RHAG: variants seen among roughly 807,000 people sequenced by gnomAD.
RHAG encodes Rh associated glycoprotein, also known as ammonium transporter Rh type A.
RHAG carries 25 observed loss-of-function variants against 42.4 expected under a neutral mutation model. The observed-to-expected ratio is 0.59, with a 90% confidence interval of 0.43 to 0.82. The LOEUF (loss-of-function observed/expected upper bound fraction) is 0.82, where lower values mean the gene tolerates loss of function less well. RHAG is among the 40% of genes least tolerant of loss of function. RHAG has a pLI of 0.00. For missense variants in RHAG, 483 were observed against 504.6 expected, an observed-to-expected ratio of 0.96 and a Z score of 0.41; for synonymous variants, 182 against 177.7, an observed-to-expected ratio of 1.02 and a Z score of -0.19.
intron 7 of RHAG, 45 bp from the exon 8 acceptor site, chr6:49,607,265 A>C: frequency 6.7e-7 from 1 of 1,502,140 alleles, no homozygotes; most frequent in Non-Finnish European, 9.2e-7. Flanking sequence ...CCTGGATCTC[A>C]GCCAAAGAAA....
intron 1 of RHAG, among the ~76,000 whole-genome samples, chr6:49,629,680 C>T (rs1032410499): frequency 5.9e-5 from 9 of 152,300 alleles, no homozygotes; most frequent in African/African-American, 1.2e-4. Context: ...CTGCAGGTCC[C>T]GAGCCCTGCC....
chr6:49,622,939 C>T (rs1762788228), intron 1 of RHAG, among the ~76,000 whole-genome samples: 1 of 151,430 alleles, frequency 6.6e-6, no homozygotes. Flanking sequence ...GGGTTCACGC[C>T]ATTCTCCTGC....
intron 7 of RHAG, among the ~76,000 whole-genome samples, chr6:49,608,149 G>A (rs970367498): frequency 2.0e-5 from 3 of 152,128 alleles, no homozygotes; most frequent in African/African-American, 7.2e-5. Flanking sequence ...TTATTAAAAT[G>A]CAATCTTACT....
At position 49,615,787 on chromosome 6, in the gene RHAG, G is replaced by A. The variant is rs753704682; in HGVS notation, c.493-16C>T. 1.8e-5 allele frequency: 29 copies of A among 1,613,312 alleles called. No homozygotes were observed. In the Admixed American group the frequency reaches 4.8e-4, roughly 27 times the overall value. On this transcript the variant is annotated splice_polypyrimidine_tract_variant and intron_variant, in intron 3 of 9. Transcript: ENST00000371175. ...TGTCAGAGGCCTGAGGGACAAAATA[G>A]CATTCACATAAATAGAGGTGAACCT...
Position 49,605,841 on chromosome 6 carries a change from A to C in RHAG, c.1213-11T>G. ...TCTCGTCTTAGGGACCTTTAAAAAA[A>C]CAAGTTTGAGGGCACTTAATAGTTT... On this transcript the variant is annotated splice_polypyrimidine_tract_variant and intron_variant, in intron 9 of 9. Transcript: ENST00000371175. 1 of 1,611,742 alleles carries C rather than the reference A, an allele frequency of 6.2e-7. No homozygotes were observed. Among genetic ancestry groups the C allele is most frequent in the Non-Finnish European group, 8.5e-7 (1 of 1,177,834 alleles).
chr6:49,613,340 G>A (rs1365087835), intron 5 of RHAG, among the ~76,000 whole-genome samples: 1 of 152,198 alleles, frequency 6.6e-6, no homozygotes, highest in African/African-American at 2.4e-5. Context: ...AAAGCACTGG[G>A]ATTACAGGCA....
intron 3 of RHAG, 139 bp from the exon 4 acceptor site, chr6:49,615,910 A>AG: frequency 1.2e-6 from 1 of 848,588 alleles, no homozygotes; most frequent in Non-Finnish European, 1.9e-6. Context: ...TGTCAGAGAA[A>AG]GGGGGGTAAA....
At chr6:49,614,556 G>C in intron 5 of RHAG, 131 bp downstream of exon 5, 2 of 847,370 alleles carry the variant, frequency 2.4e-6, no homozygotes, top group Non-Finnish European at 4.1e-6. Flanking sequence ...GTTGTTTTTA[G>C]AACATTCTAC....
Position 49,605,761 on chromosome 6 carries a change from C to T in RHAG, c.*52G>A, listed in dbSNP as rs1368968029. The T allele has an allele frequency of 1.3e-6, 2 of 1,547,784 alleles. No homozygotes were observed. The highest frequency in any genetic ancestry group is 1.4e-5 in the African/African-American group (1 of 73,534). The stretch of plus-strand genomic sequence containing the variant: ...CTGGAGAGCAGGAATGGTGTTTAGA[C>T]TTCAGGTTCCAGCTGGCTGTGGTCA... On this transcript the variant is annotated 3_prime_UTR_variant, in exon 10 of 10. Coordinates refer to ENST00000371175, the MANE Select transcript of RHAG (RefSeq NM_000324.3).
chr6:49,615,675 C>T lies in RHAG; in HGVS notation c.589G>A (p.Gly197Arg), dbSNP rs763977291. Residue 197 changes from glycine (G) to arginine (R), a missense_variant, in exon 4 of 10, where the codon GGG (glycine) becomes AGG (arginine). Gly to Arg is a moderately radical substitution (Grantham distance 125). Coordinates refer to ENST00000371175, the MANE Select transcript of RHAG (RefSeq NM_000324.3). ...TATGCGGACTCTTCATTTTCATGCCCCTTTCTCAGTCCAGATCGATACAAG... is the reference window on the plus strand; with the variant it reads ...TATGCGGACTCTTCATTTTCATGCCTCTTTCTCAGTCCAGATCGATACAAG... ...GILYRSGLRKGHENEESAYYS... is the reference protein window; with the variant it reads ...GILYRSGLRKRHENEESAYYS... The T allele has an allele frequency of 9.9e-6, 16 of 1,613,928 alleles. No homozygotes were observed. The South Asian group carries it at 1.2e-4, about 12-fold the overall frequency.
At chr6:49,625,441 A>G (rs1014073302) in intron 1 of RHAG, among the ~76,000 whole-genome samples, 9 of 152,238 alleles carry the variant, frequency 5.9e-5, no homozygotes, top group African/African-American at 2.2e-4. Context: ...AGGATTAGAA[A>G]ATAAATACAC....
chr6:49,606,004 C>T (rs146848767), intron 9 of RHAG, among the ~76,000 whole-genome samples, 174 bp from the exon 10 acceptor site: 31 of 152,218 alleles, frequency 2.0e-4, no homozygotes, highest in African/African-American at 7.2e-4. Context: ...TCTCACCCAC[C>T]CTGACTACAT....
In RHAG at chr6:49,619,346, A is replaced by G. The variant is rs1438746046; in HGVS notation, c.174T>C (p.His58=). The G allele has an allele frequency of 7.4e-6, 12 of 1,613,950 alleles. No homozygotes were observed. Among genetic ancestry groups the G allele is most frequent in the Non-Finnish European group, 9.3e-6 (11 of 1,179,990 alleles). Residue 58 remains histidine, a synonymous_variant, in exon 2 of 10, where the codon CAT becomes CAC. Transcript: ENST00000371175. ...AGCCAAACCCAACAAATATCATAAC[A>G]TGTACATCTTGGAACACTGGAAAAG... ...FELYPLFQDV[H]VMIFVGFGFL...
In RHAG at chr6:49,621,342, G is replaced by A. The variant is rs116440751; in HGVS notation, c.158-1980C>T. On this transcript the variant is annotated intron_variant, in intron 1 of 9. Transcript: ENST00000371175. ...TGCTCAAGATCATAGCTCTTCCTTC[G>A]GGTAGTCTGGACACAATAACTGATT... is the stretch of plus-strand genomic sequence containing the variant. Among the ~76,000 whole-genome samples, 1,215 of 152,134 alleles carry A rather than the reference G, an allele frequency of 8.0e-3. 18 individuals carry two copies. The highest frequency in any genetic ancestry group is 0.027 in the African/African-American group (1,137 of 41,498).
chr6:49,607,354 G>C (rs964362801), intron 7 of RHAG, 134 bp from the exon 8 acceptor site: 3 of 735,448 alleles, frequency 4.1e-6, no homozygotes, highest in African/African-American at 1.7e-5. Flanking sequence ...TTAAGCATTT[G>C]TTACAATTTT....
rs150608702 is a variant in RHAG at position 49,620,508 on chromosome 6, A to G, written c.158-1146T>C. ...CATCCACTACAGTGGACAAACCTGA[A>G]TGGGGCACCATAGTTTCTCTCTCTC... On this transcript the variant is annotated intron_variant, in intron 1 of 9. Coordinates refer to ENST00000371175, the MANE Select transcript of RHAG (RefSeq NM_000324.3). Among the ~76,000 whole-genome samples the G allele has an allele frequency of 4.5e-4, 69 of 152,060 alleles. 1 individual carries two copies. In the East Asian group the frequency reaches 0.011, roughly 24 times the overall value.
intron 2 of RHAG, among the ~76,000 whole-genome samples, chr6:49,618,923 C>G (rs1464147917): frequency 1.3e-5 from 2 of 152,134 alleles, no homozygotes; most frequent in Non-Finnish European, 2.9e-5. Flanking sequence ...TGCTGACAGA[C>G]TTGGTGTCTG....
chr6:49,612,382 A>C lies in RHAG; in HGVS notation c.945+15T>G. The C allele has an allele frequency of 6.2e-7, 1 of 1,613,996 alleles. No individual in the cohort carries two copies. On this transcript the variant is annotated intron_variant, in intron 6 of 9. Transcript: ENST00000371175. ...GCAGATTCAGAGTTTGACTCAGAAC[A>C]TCTGCTGTACTTACAGTCAGGAACT... is the stretch of plus-strand genomic sequence containing the variant.
At chr6:49,614,899 C>G (rs1762628595) in intron 4 of RHAG, 46 bp from the exon 5 acceptor site, 13 of 1,540,788 alleles carry the variant, frequency 8.4e-6, no homozygotes, top group Non-Finnish European at 1.2e-5. Context: ...ATATGGAAGA[C>G]AGTCCAGAGG....
Sources: allele counts gnomAD v4.1 joint callset (sites outside exome capture counted in the v4.1 genomes callset), GRCh38; gene constraint gnomAD v4.1.1; transcripts MANE v1.5; gene names NCBI Gene and HGNC (gene_info 2026-07-23, HGNC 2026-07-21).